Variants in CIT observed in about 807,000 individuals in gnomAD.
CIT encodes citron rho-interacting serine/threonine kinase.
Under a neutral mutation model 272.7 loss-of-function variants are expected in CIT, and 79 were observed. That is an observed-to-expected ratio of 0.29 (90% CI 0.24 to 0.35). CIT has a LOEUF of 0.35. Among genes scored for constraint, CIT ranks in the 10% least tolerant of loss-of-function variants. The pLI is 1.00. For missense variants in CIT, 1,909 were observed against 2,618.3 expected (o/e 0.73, Z 5.91); for synonymous variants, 948 against 995.6 (o/e 0.95, Z 0.90).
intron 39 of CIT, among the ~76,000 whole-genome samples, chr12:119,708,588 C>A (rs1040322586): frequency 6.6e-6 from 1 of 152,130 alleles, no homozygotes; most frequent in Non-Finnish European, 1.5e-5. Flanking sequence ...TGGGTTCAAG[C>A]AATTCTCCTG....
rs775487324 is a variant in CIT at position 119,718,711 on chromosome 12, C to T, written c.3991G>A (p.Ala1331Thr). 6 of 1,613,334 alleles carry T rather than the reference C, an allele frequency of 3.7e-6. No homozygotes were observed. Among genetic ancestry groups the T allele is most frequent in the East Asian group, 2.2e-5 (1 of 44,888 alleles). ...LQKTRIELRSAREEAAHRKAT... is the reference protein window; with the variant it reads ...LQKTRIELRSTREEAAHRKAT... ...AGTGAGCCCCTACCTTCCTCCCGGG[C>T]GGACCGGAGCTCGATGCGGGTCTTC... The change falls in exon 31 of 48, where the codon GCC (alanine) becomes ACC (threonine). Residue 1331 changes from alanine to threonine, a missense_variant. Physicochemically the swap from Ala to Thr is moderately conservative, Grantham distance 58. This residue lies in a region of CIT where 780 missense variants were observed against 1,067.2 expected (regional missense o/e 0.73). Transcript: ENST00000392521. This position sits in a 1 kb window ranked among gnomAD's most constrained non-coding sequence, Gnocchi z 4.8.
chr12:119,801,662 A>G lies in CIT; in HGVS notation c.1295+1544T>C, dbSNP rs1405454753. Among the ~76,000 whole-genome samples the G allele has an allele frequency of 3.3e-5, 5 of 151,954 alleles. No individual in the cohort carries two copies. The East Asian group carries it at 9.6e-4, about 29-fold the overall frequency. ...TGTGTCAAGGTTATACTGCCCACTA[A>G]CCATGCATCCTTCAACATCAGGCCT... On this transcript the variant is annotated intron_variant, in intron 10 of 47. Coordinates refer to ENST00000392521, the MANE Select transcript of CIT (RefSeq NM_001206999.2).
intron 5 of CIT, 38 bp downstream of exon 5, chr12:119,850,136 G>A: frequency 7.9e-7 from 1 of 1,259,306 alleles, no homozygotes; most frequent in Non-Finnish European, 1.2e-6. Flanking sequence ...GTGTCAGAGT[G>A]CTAGGCTAAT....
chr12:119,701,505 C>G, intron 43 of CIT, 119 bp downstream of exon 43: 2 of 1,166,734 alleles, frequency 1.7e-6, no homozygotes, highest in Non-Finnish European at 2.4e-6. Flanking sequence ...GAAGGACATT[C>G]TCTGTACCCC....
chr12:119,825,406 C>A, intron 7 of CIT, 38 bp from the exon 8 acceptor site: 16 of 1,579,638 alleles, frequency 1.0e-5, no homozygotes, highest in Non-Finnish European at 1.3e-5. Flanking sequence ...AGCAAACTTT[C>A]AATTATCCTC....
rs1271686653 is a variant in CIT, at chr12:119,760,252, G to GCAC, written c.2421+684_2421+686dup. 5.3e-4 allele frequency among the ~76,000 whole-genome samples: 80 copies of GCAC among 150,620 alleles called. 1 individual carries two copies. Among genetic ancestry groups the GCAC allele is most frequent in the African/African-American group, 1.8e-3 (75 of 40,940 alleles). On this transcript the variant is annotated intron_variant, in intron 20 of 47. Transcript: ENST00000392521. ...GTCTTGGTGGAGTGCAGATAAATAAGCACCACAGGTAAACCTTAGGGGCAA... is the reference window on the plus strand; with the variant it reads ...GTCTTGGTGGAGTGCAGATAAATAAGCACCACCACAGGTAAACCTTAGGGGCAA...
intron 9 of CIT, among the ~76,000 whole-genome samples, chr12:119,813,686 G>T (rs915146119): frequency 6.6e-6 from 1 of 152,144 alleles, no homozygotes; most frequent in African/African-American, 2.4e-5. Context: ...CCCCAAAAAA[G>T]GCATTAATTT....
chr12:119,794,506 C>G (rs1022412290), intron 10 of CIT, among the ~76,000 whole-genome samples: 1 of 152,178 alleles, frequency 6.6e-6, no homozygotes, highest in Non-Finnish European at 1.5e-5. Flanking sequence ...CCAGGGGATA[C>G]CCAAGTGCTT....
chr12:119,790,014 T>A (rs1593756863), intron 10 of CIT, among the ~76,000 whole-genome samples: 1 of 151,926 alleles, frequency 6.6e-6, no homozygotes, highest in African/African-American at 2.4e-5. Context: ...GCACCCGGCC[T>A]GTTTTCTTTT....
chr12:119,767,250 C>G (rs1376110941), intron 18 of CIT, 68 bp from the exon 19 acceptor site: 1 of 1,209,052 alleles, frequency 8.3e-7, no homozygotes, highest in Non-Finnish European at 1.2e-6. Context: ...GTTAGACATT[C>G]ACAGGAAACA....
chr12:119,791,104 A>G (rs1280456909), intron 10 of CIT, among the ~76,000 whole-genome samples: 1 of 152,196 alleles, frequency 6.6e-6, no homozygotes, highest in Admixed American at 6.5e-5. Flanking sequence ...TGATTTGTGC[A>G]GGGGTGCCAG....
At position 119,850,253 on chromosome 12, in the gene CIT, C is replaced by T. The variant is rs757874504; in HGVS notation, c.437G>A (p.Arg146Gln). ...GCTTGTGCTTCGAGATAATATGTTC[C>T]GCTCTTCCTCAAAAAATGAAACCTA... is the stretch of plus-strand genomic sequence containing the variant. ...QEQVSFFEEERNILSRSTSPW... is the reference protein window; with the variant it reads ...QEQVSFFEEEQNILSRSTSPW... The change falls in exon 5 of 48, where the codon CGG (arginine) becomes CAG (glutamine). Residue 146 changes from arginine to glutamine, a missense_variant. Coordinates refer to ENST00000392521, the MANE Select transcript of CIT (RefSeq NM_001206999.2). 2.9e-5 allele frequency: 47 copies of T among 1,612,472 alleles called. No individual in the cohort carries two copies. The highest frequency in any genetic ancestry group is 2.0e-4 in the Admixed American group (12 of 59,888).
chr12:119,757,374 C>A lies in CIT; in HGVS notation c.2703G>T (p.Arg901=). 6.2e-7 allele frequency: 1 copy of A among 1,613,950 alleles called. No individual in the cohort carries two copies. The highest frequency in any genetic ancestry group is 8.5e-7 in the Non-Finnish European group (1 of 1,180,032). Reference sequence around the variant, plus strand: ...GGAGATGACTCCTCGCTCTCACCTCCCGCAATCTTGTCTCCAGTTCCAGCA... The same window carrying A: ...GGAGATGACTCCTCGCTCTCACCTCACGCAATCTTGTCTCCAGTTCCAGCA... ...NRLLELETRL[R]EVSLEHEEQK... Residue 901 remains arginine (R), a synonymous_variant, in exon 22 of 48, where the codon CGG becomes CGT. Transcript: ENST00000392521.
chr12:119,715,943 A>G (rs16949584), intron 32 of CIT, among the ~76,000 whole-genome samples: 8,261 of 152,228 alleles, frequency 0.054, 486 homozygotes, highest in African/African-American at 0.14. Context: ...ACAGGAATGC[A>G]CTTTGAAACT....
intron 4 of CIT, among the ~76,000 whole-genome samples, chr12:119,856,320 G>A (rs1332676836): frequency 6.6e-6 from 1 of 152,108 alleles, no homozygotes; most frequent in Non-Finnish European, 1.5e-5. Context: ...TGGGATGATA[G>A]AAAAATTCTA....
At chr12:119,738,576 C>T (rs953053694) in intron 24 of CIT, among the ~76,000 whole-genome samples, 6 of 144,630 alleles carry the variant, frequency 4.1e-5, no homozygotes, top group African/African-American at 1.5e-4. Context: ...AGTTCTAAGA[C>T]AGAAGATATT....
intron 5 of CIT, among the ~76,000 whole-genome samples, chr12:119,839,487 G>T (rs1969252388): frequency 6.6e-6 from 1 of 152,224 alleles, no homozygotes; most frequent in Non-Finnish European, 1.5e-5. Context: ...TTTGGCATGA[G>T]GGAGGAGAGA....
intron 22 of CIT, among the ~76,000 whole-genome samples, chr12:119,755,798 C>T (rs1960894369): frequency 6.6e-6 from 1 of 152,182 alleles, no homozygotes; most frequent in Admixed American, 6.5e-5. Flanking sequence ...GTATTTTCCT[C>T]CCCAAAACCT....
At chr12:119,696,337 G>A (rs921538893) in intron 46 of CIT, among the ~76,000 whole-genome samples, 2 of 152,206 alleles carry the variant, frequency 1.3e-5, no homozygotes, top group African/African-American at 4.8e-5. Context: ...TGGAAAAGCA[G>A]AGGTGCCAAA....
Sources: allele counts gnomAD v4.1 joint callset (sites outside exome capture counted in the v4.1 genomes callset), GRCh38; gene constraint gnomAD v4.1.1; regional missense constraint gnomAD v4.1.1; non-coding constraint Gnocchi (gnomAD v3.1); transcripts MANE v1.5; gene names NCBI Gene and HGNC (gene_info 2026-07-23, HGNC 2026-07-21).